Variants in GAB3 observed in about 807,000 individuals in gnomAD.
GAB3 encodes GRB2-associated-binding protein 3.
A neutral mutation model predicts 40.4 loss-of-function variants in GAB3; 12 were observed. The ratio of observed to expected loss-of-function variants is 0.30; its 90% confidence interval spans 0.19 to 0.48. The LOEUF (loss-of-function observed/expected upper bound fraction) is 0.48. Ranked by LOEUF, GAB3 falls within the 20% of genes least tolerant of loss-of-function variation. GAB3 has a pLI of 0.99. For synonymous variants in GAB3, 154 were observed against 176.7 expected (o/e 0.87, Z 1.02); for missense variants, 381 against 461.9 (o/e 0.82, Z 1.61).
At chrX:154,727,908 T>C (rs1216153916) in intron 1 of GAB3, among the ~76,000 whole-genome samples, 1 of 112,193 alleles carries the variant, frequency 8.9e-6, no homozygotes, top group Non-Finnish European at 1.9e-5. Flanking sequence ...GGCTGGGTTA[T>C]AGCAAGTTTC....
chrX:154,710,748 C>G (rs782778229), intron 4 of GAB3, among the ~76,000 whole-genome samples: 13 of 112,282 alleles, frequency 1.2e-4, no homozygotes, highest in Non-Finnish European at 3.8e-5. Context: ...GTTTCATGGT[C>G]AAAACCTCTA....
intron 8 of GAB3, among the ~76,000 whole-genome samples, chrX:154,685,759 G>A (rs1376945290): frequency 1.8e-5 from 2 of 111,697 alleles, no homozygotes; most frequent in East Asian, 2.8e-4. Context: ...TAAAAAACCC[G>A]TACATATATG....
intron 1 of GAB3, among the ~76,000 whole-genome samples, chrX:154,721,627 C>T (rs781950567): frequency 8.9e-6 from 1 of 112,210 alleles, no homozygotes; most frequent in African/African-American, 3.2e-5. Flanking sequence ...CTTTGGAGGA[C>T]ACATTCAAGT....
chrX:154,678,995 T>C (rs1248466622), intron 9 of GAB3: 2 of 247,955 alleles, frequency 8.1e-6, no homozygotes, highest in Non-Finnish European at 1.5e-5. Context: ...CATTTTTTAT[T>C]AAAAAATAAA....
At chrX:154,707,510 C>T (rs1458820714) in intron 4 of GAB3, among the ~76,000 whole-genome samples, 1 of 112,170 alleles carries the variant, frequency 8.9e-6, no homozygotes, top group African/African-American at 3.2e-5. Context: ...CTATTCATGA[C>T]TTTAGAAAAT....
At chrX:154,692,563 G>A (rs1479416304) in intron 8 of GAB3, among the ~76,000 whole-genome samples, 2 of 111,876 alleles carry the variant, frequency 1.8e-5, no homozygotes, top group African/African-American at 3.3e-5. Flanking sequence ...CAAGGCAGGC[G>A]GATCACATGA....
intron 1 of GAB3, among the ~76,000 whole-genome samples, chrX:154,734,949 A>G (rs1557260371): frequency 8.9e-6 from 1 of 112,388 alleles, no homozygotes; most frequent in African/African-American, 3.2e-5. Context: ...TGAATTACAC[A>G]TAAATGTGTA....
Position 154,675,589 on chromosome X carries a change from G to A in GAB3, c.*2589C>T, listed in dbSNP as rs782391547. 1.7e-4 allele frequency: 19 copies of A among 112,240 alleles called. No homozygotes were observed. The highest frequency in any genetic ancestry group is 4.8e-4 in the African/African-American group (15 of 30,946). 9.2% of individuals were successfully genotyped at this position (112,240 alleles called of 1,213,427 possible). ...CAGGCTTGAGACCCTTGGGTCCCCCGTCCTGCACTGGACGACCCCTGACTG... is the reference window on the plus strand; with the variant it reads ...CAGGCTTGAGACCCTTGGGTCCCCCATCCTGCACTGGACGACCCCTGACTG... On this transcript the variant is annotated 3_prime_UTR_variant, in exon 10 of 10. Transcript: ENST00000424127.
At chrX:154,690,289 C>T (rs1384014655) in intron 8 of GAB3, among the ~76,000 whole-genome samples, 3 of 111,957 alleles carry the variant, frequency 2.7e-5, no homozygotes, top group Non-Finnish European at 3.8e-5. Flanking sequence ...AAGACTTAAG[C>T]GTTAGACCTA....
chrX:154,730,029 C>T (rs1557259826), intron 1 of GAB3, among the ~76,000 whole-genome samples: 1 of 112,401 alleles, frequency 8.9e-6, no homozygotes, highest in African/African-American at 3.2e-5. Flanking sequence ...GCTCCTGCCA[C>T]GCTCTGCAGT....
intron 1 of GAB3, among the ~76,000 whole-genome samples, chrX:154,722,736 T>C (rs1173727082): frequency 8.9e-6 from 1 of 112,252 alleles, no homozygotes; most frequent in Non-Finnish European, 1.9e-5. Context: ...GATATTTCTA[T>C]ACATGTCAGG....
intron 8 of GAB3, among the ~76,000 whole-genome samples, chrX:154,687,467 T>G (rs2070473376): frequency 9.2e-6 from 1 of 108,630 alleles, no homozygotes; most frequent in Non-Finnish European, 1.9e-5. Context: ...CCGTCTCTAC[T>G]AAAAAAGATA....
intron 8 of GAB3, among the ~76,000 whole-genome samples, chrX:154,683,271 A>C (rs2070400120): frequency 8.9e-6 from 1 of 112,255 alleles, no homozygotes; most frequent in African/African-American, 3.2e-5. Context: ...GGGCTGCTCA[A>C]ATAGCCCAGA....
Position 154,716,341 on chromosome X carries a change from C to T in GAB3, c.73-12G>A. 1.7e-6 allele frequency: 2 copies of T among 1,197,310 alleles called. No individual in the cohort carries two copies. Among genetic ancestry groups the T allele is most frequent in the Non-Finnish European group, 2.3e-6 (2 of 887,900 alleles). Reference sequence around the variant, plus strand: ...CGCTTGCGCCAGGCCTGCAGAAAGGCAATTCAATAAGGAGTTACTGGACCA... The same window carrying T: ...CGCTTGCGCCAGGCCTGCAGAAAGGTAATTCAATAAGGAGTTACTGGACCA... On this transcript the variant is annotated splice_polypyrimidine_tract_variant and intron_variant, in intron 1 of 9. Transcript: ENST00000424127.
intron 4 of GAB3, among the ~76,000 whole-genome samples, chrX:154,704,860 C>T (rs781891342): frequency 4.5e-5 from 5 of 111,455 alleles, no homozygotes; most frequent in East Asian, 2.8e-4. Flanking sequence ...TTCCTGGACA[C>T]GTAAAACCTA....
At chrX:154,690,905 A>T (rs1557249200) in intron 8 of GAB3, among the ~76,000 whole-genome samples, 3 of 107,653 alleles carry the variant, frequency 2.8e-5, no homozygotes, top group Non-Finnish European at 5.7e-5. Context: ...TGACCCAGTG[A>T]TCCCATTACT....
chrX:154,729,088 TG>T (rs782689227), intron 1 of GAB3, among the ~76,000 whole-genome samples: 22 of 111,844 alleles, frequency 2.0e-4, no homozygotes, highest in African/African-American at 7.1e-4. Flanking sequence ...CTGAGGGAAC[TG>T]GGGGGAAAAG....
intron 1 of GAB3, among the ~76,000 whole-genome samples, chrX:154,732,719 C>G (rs2071308345): frequency 9.0e-6 from 1 of 111,283 alleles, no homozygotes; most frequent in African/African-American, 3.3e-5. Flanking sequence ...TCCCAGCACC[C>G]CAGGGTCAGT....
intron 1 of GAB3, among the ~76,000 whole-genome samples, chrX:154,749,208 T>C (rs1191134386): frequency 8.9e-6 from 1 of 112,080 alleles, no homozygotes; most frequent in Non-Finnish European, 1.9e-5. Context: ...CGTGTGATAA[T>C]AGGCACACAC....
Sources: allele counts gnomAD v4.1 joint callset (sites outside exome capture counted in the v4.1 genomes callset), GRCh38; gene constraint gnomAD v4.1.1; transcripts MANE v1.5; gene names NCBI Gene and HGNC (gene_info 2026-07-23, HGNC 2026-07-21).